Variants in IL1RAPL2 observed in about 807,000 individuals in gnomAD.
The protein encoded by IL1RAPL2 is X-linked interleukin-1 receptor accessory protein-like 2.
IL1RAPL2 carries 3 observed loss-of-function variants against 44.1 expected under a neutral mutation model. That is an observed-to-expected ratio of 0.07 (90% CI 0.03 to 0.18). The LOEUF is 0.18. IL1RAPL2 is among the 10% of genes least tolerant of loss of function. The pLI, the probability that IL1RAPL2 is intolerant of heterozygous loss-of-function variation, is 1.00. For synonymous variants in IL1RAPL2, 181 were observed against 178.8 expected, an observed-to-expected ratio of 1.01 and a Z score of -0.10; for missense variants, 391 against 496.4, an observed-to-expected ratio of 0.79 and a Z score of 2.02.
At chrX:104,581,071 G>A (rs965473194) in intron 1 of IL1RAPL2, among the ~76,000 whole-genome samples, 1 of 112,428 alleles carries the variant, frequency 8.9e-6, no homozygotes, top group Non-Finnish European at 1.9e-5. Context: ...ATGTAAAAGT[G>A]TTTTAAATTA....
At chrX:105,117,146 T>TA (rs774934051) in intron 2 of IL1RAPL2, among the ~76,000 whole-genome samples, 1 of 112,141 alleles carries the variant, frequency 8.9e-6, no homozygotes, top group Non-Finnish European at 1.9e-5. Context: ...TACAAAGTCT[T>TA]AAAAAAGAAC....
At chrX:105,220,152 C>T (rs1556179174) in intron 3 of IL1RAPL2, 3 of 1,211,928 alleles carry the variant, frequency 2.5e-6, no homozygotes, top group Non-Finnish European at 3.4e-6. Context: ...GTAGCTGTGC[C>T]TGCCTGTGGG....
At chrX:105,343,167 G>A (rs1385451376) in intron 5 of IL1RAPL2, among the ~76,000 whole-genome samples, 1 of 111,973 alleles carries the variant, frequency 8.9e-6, no homozygotes, top group Non-Finnish European at 1.9e-5. Flanking sequence ...ATTAGACACA[G>A]CTAGTGAAAT....
At chrX:105,337,036 C>G (rs954774927) in intron 5 of IL1RAPL2, among the ~76,000 whole-genome samples, 1 of 111,637 alleles carries the variant, frequency 9.0e-6, no homozygotes, top group Non-Finnish European at 1.9e-5. Flanking sequence ...TGACAGCCTG[C>G]AGGCCATATG....
In IL1RAPL2 at chrX:104,840,977, A is replaced by T. The variant is rs1023072485; in HGVS notation, c.82+181982A>T. Among the ~76,000 whole-genome samples, 160 of 111,121 alleles carry T rather than the reference A, an allele frequency of 1.4e-3. 1 individual carries two copies. Among genetic ancestry groups the T allele is most frequent in the African/African-American group, 4.8e-3 (148 of 30,576 alleles). On this transcript the variant is annotated intron_variant, in intron 2 of 10. Coordinates refer to ENST00000372582, the MANE Select transcript of IL1RAPL2 (RefSeq NM_017416.2). ...AGTGCTGGGATTACAGGCATGAGCC[A>T]CCACGCCCAGCCTAAAGTCTCCCAC...
chrX:104,743,320 A>ATT (rs201927008), intron 2 of IL1RAPL2, among the ~76,000 whole-genome samples: 18,082 of 100,125 alleles, frequency 0.18, 3,792 homozygotes, highest in African/African-American at 0.58. Context: ...GTTTCAAACT[A>ATT]TTTTTTTTTT....
rs760358889 is a variant in IL1RAPL2, at chrX:104,598,325, G to A, written c.-20+31274G>A. On this transcript the variant is annotated intron_variant, in intron 1 of 10. Coordinates refer to ENST00000372582, the MANE Select transcript of IL1RAPL2 (RefSeq NM_017416.2). ...GGAGCAAGAAGCAGTGGAAGTGTTTGTGCAGTCATTTTTTGTAACAGCTCC... is the reference window on the plus strand; with the variant it reads ...GGAGCAAGAAGCAGTGGAAGTGTTTATGCAGTCATTTTTTGTAACAGCTCC... Among the ~76,000 whole-genome samples, 6 of 111,656 alleles carry A rather than the reference G, an allele frequency of 5.4e-5. No homozygotes were observed. The East Asian group carries it at 1.7e-3, about 32-fold the overall frequency.
intron 6 of IL1RAPL2, among the ~76,000 whole-genome samples, chrX:105,635,275 A>G (rs1233798399): frequency 9.0e-6 from 1 of 111,620 alleles, no homozygotes; most frequent in African/African-American, 3.3e-5. Context: ...CCTGAATTTC[A>G]CACCAATATT....
intron 5 of IL1RAPL2, among the ~76,000 whole-genome samples, chrX:105,463,255 A>G (rs1341828198): frequency 9.0e-6 from 1 of 110,676 alleles, no homozygotes. Context: ...TATGCCATTT[A>G]TCCAATGAAT....
At chrX:104,621,280 A>ATATATATAATATTACATC (rs1929392926) in intron 1 of IL1RAPL2, among the ~76,000 whole-genome samples, 1 of 107,867 alleles carries the variant, frequency 9.3e-6, no homozygotes, top group South Asian at 4.0e-4. Context: ...TTATATTACA[A>ATATATATAATATTACATC]TAGAATATAC....
At chrX:104,607,832 G>C (rs1199678669) in intron 1 of IL1RAPL2, among the ~76,000 whole-genome samples, 1 of 111,921 alleles carries the variant, frequency 8.9e-6, no homozygotes, top group African/African-American at 3.3e-5. Context: ...AATTCCTCAA[G>C]GATCTAGAAC....
intron 6 of IL1RAPL2, among the ~76,000 whole-genome samples, chrX:105,660,680 G>A (rs987284207): frequency 8.9e-6 from 1 of 111,773 alleles, no homozygotes; most frequent in Middle Eastern, 4.7e-3. Context: ...TTGCATGTTT[G>A]TTTATGCAAC....
At chrX:105,753,523 A>C (rs1039696189) in intron 9 of IL1RAPL2, among the ~76,000 whole-genome samples, 1 of 111,462 alleles carries the variant, frequency 9.0e-6, no homozygotes, top group African/African-American at 3.3e-5. Context: ...TAGCTGGAGA[A>C]AGTCAGGGGC....
At chrX:105,318,164 G>A (rs1053851024) in intron 5 of IL1RAPL2, among the ~76,000 whole-genome samples, 3 of 110,254 alleles carry the variant, frequency 2.7e-5, no homozygotes, top group African/African-American at 9.9e-5. Context: ...TAGTAGAGAC[G>A]GGGTTTCACC....
intron 2 of IL1RAPL2, among the ~76,000 whole-genome samples, chrX:105,185,963 A>G (rs1173441796): frequency 8.9e-6 from 1 of 112,062 alleles, no homozygotes; most frequent in Non-Finnish European, 1.9e-5. Context: ...TGGATCAAAA[A>G]TATTAAAAAC....
rs960011444 is a variant in IL1RAPL2, at chrX:104,963,609, C to T, written c.83-231866C>T. ...TGCCCCAGACCCAAATAAAATATCA[C>T]CAGTATCTTTTCTCTTCCTTGGCTC... On this transcript the variant is annotated intron_variant, in intron 2 of 10. Transcript: ENST00000372582. 3.6e-5 allele frequency among the ~76,000 whole-genome samples: 4 copies of T among 111,387 alleles called. 1 individual carries two copies. The Admixed American group carries it at 3.8e-4, about 11-fold the overall frequency.
chrX:105,080,525 T>A (rs769244544), intron 2 of IL1RAPL2, among the ~76,000 whole-genome samples: 1 of 111,171 alleles, frequency 9.0e-6, no homozygotes, highest in South Asian at 3.7e-4. Flanking sequence ...GATCAGATGG[T>A]TGCAGATATG....
chrX:105,362,309 A>G lies in IL1RAPL2; in HGVS notation c.697+94768A>G, dbSNP rs190963058. 3.9e-3 allele frequency among the ~76,000 whole-genome samples: 433 copies of G among 111,689 alleles called. 7 individuals are homozygous for G. Among genetic ancestry groups the G allele is most frequent in the African/African-American group, 0.014 (419 of 30,883 alleles). On this transcript the variant is annotated intron_variant, in intron 5 of 10. Coordinates refer to ENST00000372582, the MANE Select transcript of IL1RAPL2 (RefSeq NM_017416.2). ...TTTACAATTCAGTGTGATAAAACCCACAGCTGCTGTTCAAAGTTCTATTTA... is the reference window on the plus strand; with the variant it reads ...TTTACAATTCAGTGTGATAAAACCCGCAGCTGCTGTTCAAAGTTCTATTTA...
intron 6 of IL1RAPL2, among the ~76,000 whole-genome samples, chrX:105,644,305 T>C (rs1262073487): frequency 9.0e-6 from 1 of 111,569 alleles, no homozygotes; most frequent in Non-Finnish European, 1.9e-5. Context: ...AAAAAGGTCA[T>C]GAGGATGGCA....
Sources: gnomAD v4.1 joint callset for allele counts (sites outside exome capture counted in the v4.1 genomes callset) on GRCh38, gnomAD v4.1.1 for gene constraint, MANE v1.5 for transcripts, NCBI Gene and HGNC (gene_info 2026-07-23, HGNC 2026-07-21) for gene names.